PLAC1: variants seen among roughly 807,000 people sequenced by gnomAD.
The protein encoded by PLAC1 is placenta associated 1, also known as placenta-specific protein 1.
For missense variants in PLAC1, 136 were observed against 163.2 expected (o/e 0.83, Z 0.91); for synonymous variants, 68 against 62.1 (o/e 1.09, Z -0.44).
chrX:134,687,741 C>T (rs1474315247), intron 2 of PLAC1, among the ~76,000 whole-genome samples: 2 of 98,493 alleles, frequency 2.0e-5, no homozygotes, highest in Admixed American at 1.2e-4. Context: ...CCTCTTTAAA[C>T]GTCACTTTTC....
At chrX:134,685,293 T>G (rs181592198) in intron 2 of PLAC1, among the ~76,000 whole-genome samples, 1 of 111,136 alleles carries the variant, frequency 9.0e-6, no homozygotes, top group African/African-American at 3.3e-5. Flanking sequence ...ACCAGATACA[T>G]AGGAATCCCT....
At chrX:134,747,607 G>A (rs2078731790) in intron 1 of PLAC1, among the ~76,000 whole-genome samples, 1 of 111,417 alleles carries the variant, frequency 9.0e-6, no homozygotes. Flanking sequence ...GAGACATTAT[G>A]GGATCAGAAA....
At chrX:134,628,806 C>T (rs781295831) in intron 1 of PLAC1, among the ~76,000 whole-genome samples, 2 of 111,819 alleles carry the variant, frequency 1.8e-5, no homozygotes, top group East Asian at 5.6e-4. Flanking sequence ...GTAAGAGACT[C>T]CTGTGCCTGT....
chrX:134,661,787 C>A (rs2078417366), upstream of PLAC1, among the ~76,000 whole-genome samples: 2 of 111,959 alleles, frequency 1.8e-5, no homozygotes, highest in Admixed American at 1.9e-4. Flanking sequence ...TTTTTACCTA[C>A]TCCCCAACAA....
chrX:134,737,273 A>G (rs1189960155), intron 1 of PLAC1, among the ~76,000 whole-genome samples: 2 of 112,377 alleles, frequency 1.8e-5, no homozygotes, highest in Non-Finnish European at 3.8e-5. Context: ...ACTGGCCTCC[A>G]AGTCCCTTAA....
upstream of PLAC1, among the ~76,000 whole-genome samples, chrX:134,660,571 T>C (rs760794594): frequency 4.6e-5 from 5 of 109,714 alleles, no homozygotes; most frequent in Non-Finnish European, 9.5e-5. Flanking sequence ...AGAGAATGAG[T>C]GAACCAGAAG....
At chrX:134,708,789 C>T (rs955951642) in intron 2 of PLAC1, among the ~76,000 whole-genome samples, 3 of 111,382 alleles carry the variant, frequency 2.7e-5, no homozygotes, top group African/African-American at 9.8e-5. Flanking sequence ...CCGCCCACGT[C>T]GGCCTCCCAA....
At chrX:134,613,514 G>A (rs1191053367) in intron 1 of PLAC1, among the ~76,000 whole-genome samples, 1 of 110,931 alleles carries the variant, frequency 9.0e-6, no homozygotes, top group Admixed American at 9.6e-5. Context: ...GACTCCTTTG[G>A]TGAAGAACCA....
At chrX:134,663,237 T>C (rs754698276), upstream of PLAC1, among the ~76,000 whole-genome samples, 2 of 112,810 alleles carry the variant, frequency 1.8e-5, no homozygotes, top group Non-Finnish European at 3.7e-5. Context: ...TGTAAACCAA[T>C]GTATCAACCA....
intron 2 of PLAC1, among the ~76,000 whole-genome samples, chrX:134,580,240 G>C (rs2077967626): frequency 8.9e-6 from 1 of 112,300 alleles, no homozygotes; most frequent in Non-Finnish European, 1.9e-5. Flanking sequence ...ATCATAGGCA[G>C]TTGCTTAAAC....
intron 2 of PLAC1, among the ~76,000 whole-genome samples, chrX:134,714,285 C>T (rs930659599): frequency 1.8e-5 from 2 of 109,621 alleles, no homozygotes; most frequent in African/African-American, 6.7e-5. Flanking sequence ...GGCCATTCTC[C>T]TTTCCCTCCT....
chrX:134,648,601 G>A (rs1032413118), intron 1 of PLAC1, among the ~76,000 whole-genome samples: 16 of 111,407 alleles, frequency 1.4e-4, no homozygotes, highest in Non-Finnish European at 2.6e-4. Context: ...CATGAGAATC[G>A]CTTGAACCCA....
At chrX:134,674,361 A>G (rs1402064795) in intron 2 of PLAC1, among the ~76,000 whole-genome samples, 4 of 112,466 alleles carry the variant, frequency 3.6e-5, no homozygotes, top group African/African-American at 1.3e-4. Context: ...TGCAATGCCA[A>G]GAGAGCCTCC....
At chrX:134,655,362 CACAT>C (rs2078385475) in intron 1 of PLAC1, among the ~76,000 whole-genome samples, 1 of 106,600 alleles carries the variant, frequency 9.4e-6, no homozygotes, top group African/African-American at 3.4e-5. Context: ...CACACACACA[CACAT>C]ATATTTGAAG....
intron 2 of PLAC1, among the ~76,000 whole-genome samples, chrX:134,705,021 T>TATACACAC (rs1284412646): frequency 0.011 from 1,117 of 98,271 alleles, 37 homozygotes; most frequent in African/African-American, 0.042. Flanking sequence ...TATATATATA[T>TATACACAC]ACACACACAC....
chrX:134,745,104 G>T (rs1455943994), intron 1 of PLAC1, among the ~76,000 whole-genome samples: 1 of 111,418 alleles, frequency 9.0e-6, no homozygotes, highest in East Asian at 2.8e-4. Context: ...TGTAGCCCTG[G>T]TTCCTTTTCC....
Position 134,592,819 on chromosome X carries a change from A to G in PLAC1, c.-59+9232T>C, listed in dbSNP as rs772138094. Among the ~76,000 whole-genome samples the G allele has an allele frequency of 3.8e-3, 382 of 99,761 alleles. 1 individual carries two copies. The highest frequency in any genetic ancestry group is 0.014 in the African/African-American group (368 of 26,263). 86.6% of individuals were successfully genotyped at this position (99,761 alleles called of 115,157 possible). On this transcript the variant is annotated intron_variant, in intron 2 of 2. Transcript: ENST00000359237. ...GCTCACTGCAAGCTCCACACCTCCC[A>G]GGTTCATGCCATTCTCCTGTCTCAG...
At chrX:134,665,336 GTGTC>G (rs2078433016) in intron 2 of PLAC1, among the ~76,000 whole-genome samples, 1 of 111,606 alleles carries the variant, frequency 9.0e-6, no homozygotes, top group South Asian at 3.8e-4. Context: ...TATTTTTTGT[GTGTC>G]TGGTTTCTTT....
At chrX:134,754,545 C>T (rs1268084576) in intron 1 of PLAC1, among the ~76,000 whole-genome samples, 3 of 110,853 alleles carry the variant, frequency 2.7e-5, no homozygotes, top group South Asian at 3.8e-4. Flanking sequence ...TCAAGTAACT[C>T]GCTCAACTTC....
Sources: gnomAD v4.1 joint callset for allele counts (sites outside exome capture counted in the v4.1 genomes callset) on GRCh38, gnomAD v4.1.1 for gene constraint, MANE v1.5 for transcripts, NCBI Gene and HGNC (gene_info 2026-07-23, HGNC 2026-07-21) for gene names.